Variants in TNFSF11 observed in about 807,000 individuals in gnomAD.
TNFSF11 encodes the protein tumor necrosis factor ligand superfamily member 11.
In TNFSF11, 12 loss-of-function variants were observed where a neutral mutation model predicts 32.2. The observed-to-expected ratio is 0.37, with a 90% CI of 0.24 to 0.60. The LOEUF is 0.60. Among genes scored for constraint, TNFSF11 ranks in the 20% least tolerant of loss-of-function variants. TNFSF11 has a pLI of 0.66. For synonymous variants in TNFSF11, 172 were observed against 152.1 expected, an observed-to-expected ratio of 1.13 and a Z score of -0.96; for missense variants, 345 against 398.0, an observed-to-expected ratio of 0.87 and a Z score of 1.13.
intron 1 of TNFSF11, among the ~76,000 whole-genome samples, chr13:42,576,973 C>T (rs978972747): frequency 6.6e-6 from 1 of 152,162 alleles, no homozygotes; most frequent in African/African-American, 2.4e-5. Flanking sequence ...GAATAGTCTC[C>T]ATTTGACTTG....
chr13:42,580,241 C>T (rs1467900404), intron 1 of TNFSF11, among the ~76,000 whole-genome samples: 1 of 152,188 alleles, frequency 6.6e-6, no homozygotes, highest in East Asian at 1.9e-4. Context: ...GTTGAAACCA[C>T]CACAAAGGCT....
In TNFSF11 at chr13:42,567,637, TG is replaced by T. The variant is rs1032869281; in HGVS notation, c.-160+877del. ...ACCTGAGTTCCCAACCATGATGGGA[TG>T]GTAGGTCAGATGCCTCATTATATCC... On this transcript the variant is annotated intron_variant, in intron 2 of 6. Transcript: ENST00000358545. Among the ~76,000 whole-genome samples the T allele has an allele frequency of 1.2e-4, 18 of 152,264 alleles. No individual in the cohort carries two copies. The South Asian group carries it at 3.1e-3, about 26-fold the overall frequency.
chr13:42,568,176 T>C (rs1329429546), intron 2 of TNFSF11, among the ~76,000 whole-genome samples: 1 of 152,368 alleles, frequency 6.6e-6, no homozygotes, highest in East Asian at 1.9e-4. Context: ...GTAACATGCA[T>C]GTTTGCTTAT....
At chr13:42,592,280 C>T (rs572163462) in intron 2 of TNFSF11, among the ~76,000 whole-genome samples, 11 of 152,188 alleles carry the variant, frequency 7.2e-5, no homozygotes, top group Non-Finnish European at 1.6e-4. Context: ...AGGTTGTTGC[C>T]TGTATTTCTG....
At chr13:42,569,716 T>C (rs1872994832), upstream of TNFSF11, among the ~76,000 whole-genome samples, 1 of 152,054 alleles carries the variant, frequency 6.6e-6, no homozygotes, top group Non-Finnish European at 1.5e-5. Context: ...AGATGGATCC[T>C]CTCCGGAGTT....
intron 2 of TNFSF11, among the ~76,000 whole-genome samples, chr13:42,589,235 T>C (rs1480441578): frequency 6.6e-6 from 1 of 152,064 alleles, no homozygotes; most frequent in Admixed American, 6.5e-5. Flanking sequence ...CAGAAGATGG[T>C]CTTATCCTTT....
chr13:42,591,864 G>A (rs893236099), intron 2 of TNFSF11, among the ~76,000 whole-genome samples: 2 of 152,214 alleles, frequency 1.3e-5, no homozygotes, highest in African/African-American at 4.8e-5. Flanking sequence ...CACTGGCTAA[G>A]GCAGCTTTCC....
At chr13:42,577,530 GCT>G (rs1236832597) in intron 1 of TNFSF11, among the ~76,000 whole-genome samples, 1 of 152,136 alleles carries the variant, frequency 6.6e-6, no homozygotes, top group Non-Finnish European at 1.5e-5. Flanking sequence ...TCAAAAAGTT[GCT>G]CTGTGTGTGT....
At chr13:42,563,093 A>G (rs760140473) in intron 1 of TNFSF11, 3 of 152,166 alleles carry the variant, frequency 2.0e-5, no homozygotes, top group South Asian at 2.1e-4. Context: ...GAAAGAGTTC[A>G]CTCTGAACAT....
rs752837461 is a variant in TNFSF11 at position 42,574,428 on chromosome 13, C to A, written c.125C>A (p.Pro42His). The A allele has an allele frequency of 2.5e-6, 4 of 1,598,868 alleles. No individual in the cohort carries two copies. The highest frequency in any genetic ancestry group is 2.7e-5 in the African/African-American group (2 of 74,700). Residue 42 changes from proline to histidine, a missense_variant, in exon 1 of 5, where the codon CCT becomes CAT. By Grantham distance (77) the Pro-to-His change is moderately conservative. Coordinates refer to ENST00000398795, the MANE Select transcript of TNFSF11 (RefSeq NM_003701.4). ...CCGCCGCCTGCGCCGCACCAGCCCC[C>A]TGCCGCCTCCCGCTCCATGTTCGTG... ...APPPPAPHQPPAASRSMFVAL... is the reference protein window; with the variant it reads ...APPPPAPHQPHAASRSMFVAL...
intron 1 of TNFSF11, 131 bp downstream of exon 1, chr13:42,574,653 G>A: frequency 8.6e-7 from 1 of 1,166,522 alleles, no homozygotes; most frequent in Non-Finnish European, 1.2e-6. Flanking sequence ...AGTGACTCCA[G>A]AAGGGAGAGA....
chr13:42,596,080 G>T (rs1220257334), intron 2 of TNFSF11, among the ~76,000 whole-genome samples: 1 of 152,132 alleles, frequency 6.6e-6, no homozygotes. Context: ...AATATTAGGG[G>T]GCTATCAAAA....
At chr13:42,574,078 C>A, upstream of TNFSF11, 1 of 580,446 alleles carries the variant, frequency 1.7e-6, no homozygotes, top group South Asian at 2.1e-5. Flanking sequence ...GAGGCAGCCT[C>A]GCCTGGGGCT....
chr13:42,566,388 A>G (rs1237877504), intron 1 of TNFSF11, among the ~76,000 whole-genome samples: 1 of 152,216 alleles, frequency 6.6e-6, no homozygotes, highest in African/African-American at 2.4e-5. Context: ...TTGGTAGGAA[A>G]AGAAGGGTCA....
intron 2 of TNFSF11, among the ~76,000 whole-genome samples, chr13:42,586,179 C>T (rs1377420330): frequency 3.9e-5 from 6 of 152,316 alleles, no homozygotes; most frequent in Non-Finnish European, 7.3e-5. Context: ...GCTGCACAGT[C>T]AGCCATTTTT....
chr13:42,583,995 T>C (rs965550711), intron 2 of TNFSF11, among the ~76,000 whole-genome samples: 1 of 152,150 alleles, frequency 6.6e-6, no homozygotes, highest in African/African-American at 2.4e-5. Context: ...TGTCCTTATT[T>C]CAAATAACTA....
At chr13:42,601,086 C>G (rs904095683) in intron 4 of TNFSF11, 105 bp downstream of exon 4, 14 of 1,286,388 alleles carry the variant, frequency 1.1e-5, no homozygotes, top group African/African-American at 7.3e-5. Context: ...TTTTGAGAGC[C>G]CTTACTTCAA....
chr13:42,600,054 T>G (rs528493351), intron 2 of TNFSF11, among the ~76,000 whole-genome samples: 1 of 152,370 alleles, frequency 6.6e-6, no homozygotes, highest in East Asian at 1.9e-4. Flanking sequence ...AGCTAATGTC[T>G]GGATACAGGT....
intron 1 of TNFSF11, among the ~76,000 whole-genome samples, 191 bp from the exon 2 acceptor site, chr13:42,580,935 G>A (rs1370058976): frequency 6.6e-6 from 1 of 152,174 alleles, no homozygotes; most frequent in African/African-American, 2.4e-5. Context: ...GTGGATGATA[G>A]TCAGTTACTC....
Sources: gnomAD v4.1 joint callset for allele counts (sites outside exome capture counted in the v4.1 genomes callset) on GRCh38, gnomAD v4.1.1 for gene constraint, MANE v1.5 for transcripts, NCBI Gene and HGNC (gene_info 2026-07-23, HGNC 2026-07-21) for gene names.